C9orf85: variants seen among roughly 807,000 people sequenced by gnomAD.
C9orf85 encodes chromosome 9 open reading frame 85, also known as uncharacterized protein C9orf85.
C9orf85 carries 16 observed loss-of-function variants against 14.9 expected under a neutral mutation model. The observed-to-expected ratio is 1.08, with a 90% CI of 0.73 to 1.63. The LOEUF (loss-of-function observed/expected upper bound fraction) is 1.63. Ranked by LOEUF, C9orf85 falls within the 40% of genes most tolerant of loss-of-function variation. The pLI is 0.00. For synonymous variants in C9orf85, 45 were observed against 56.8 expected (o/e 0.79, Z 0.93); for missense variants, 172 against 186.1 (o/e 0.92, Z 0.44).
intron 1 of C9orf85, among the ~76,000 whole-genome samples, chr9:71,926,634 G>T (rs1252946727): frequency 1.7e-5 from 2 of 115,832 alleles, no homozygotes; most frequent in Admixed American, 8.7e-5. Flanking sequence ...CACTGCTGTT[G>T]AAAAAAAAAA....
chr9:71,955,514 A>T (rs1272240351), intron 2 of C9orf85, among the ~76,000 whole-genome samples: 2 of 152,174 alleles, frequency 1.3e-5, no homozygotes, highest in Non-Finnish European at 2.9e-5. Flanking sequence ...AAACTGAAGT[A>T]CATAAACAGC....
chr9:71,947,253 T>A, intron 2 of C9orf85, 141 bp downstream of exon 2: 1 of 586,498 alleles, frequency 1.7e-6, no homozygotes, highest in Non-Finnish European at 2.9e-6. Flanking sequence ...TAGAATTTCA[T>A]CTTGTGTGCT....
chr9:71,933,751 C>T lies in C9orf85; in HGVS notation c.103-13255C>T, dbSNP rs183334987. 1.0e-3 allele frequency among the ~76,000 whole-genome samples: 154 copies of T among 152,238 alleles called. 1 individual carries two copies. The highest frequency in any genetic ancestry group is 3.4e-3 in the African/African-American group (142 of 41,546). On this transcript the variant is annotated intron_variant, in intron 1 of 3. Coordinates refer to ENST00000334731, the MANE Select transcript of C9orf85 (RefSeq NM_182505.5). ...GACTCCCACTAGATGGATCTGCTGGCGCATAGACCTCAGATAAGAGGGAAC... is the reference window on the plus strand; with the variant it reads ...GACTCCCACTAGATGGATCTGCTGGTGCATAGACCTCAGATAAGAGGGAAC...
At chr9:71,939,818 T>C (rs1828286609) in intron 1 of C9orf85, among the ~76,000 whole-genome samples, 1 of 152,176 alleles carries the variant, frequency 6.6e-6, no homozygotes, top group Non-Finnish European at 1.5e-5. Context: ...ACATACTTAA[T>C]TTTTGAGAAA....
Position 71,918,137 on chromosome 9 carries a change from C to T in C9orf85, c.102+6301C>T, listed in dbSNP as rs1186514978. Among the ~76,000 whole-genome samples the T allele has an allele frequency of 5.3e-5, 8 of 152,100 alleles. 1 individual carries two copies. Among genetic ancestry groups the T allele is most frequent in the Admixed American group, 3.9e-4 (6 of 15,276 alleles). ...GGCAGAGGTTGCAGTGAGCTGAGAT[C>T]GTGCCACTGCACTCCAGCCTGGGCC... On this transcript the variant is annotated intron_variant, in intron 1 of 3. Coordinates refer to ENST00000334731, the MANE Select transcript of C9orf85 (RefSeq NM_182505.5).
At chr9:71,956,520 A>G (rs1368563916) in intron 2 of C9orf85, among the ~76,000 whole-genome samples, 1 of 152,122 alleles carries the variant, frequency 6.6e-6, no homozygotes, top group Admixed American at 6.6e-5. Context: ...GAGTGCTGGA[A>G]TTACAGGTGT....
intron 2 of C9orf85, among the ~76,000 whole-genome samples, chr9:71,959,251 C>A (rs1023840987): frequency 2.6e-5 from 4 of 152,042 alleles, no homozygotes; most frequent in Non-Finnish European, 5.9e-5. Context: ...GATTCTCCTG[C>A]CTCAGCCTCC....
At chr9:71,944,046 G>C (rs1822016684) in intron 1 of C9orf85, among the ~76,000 whole-genome samples, 1 of 151,640 alleles carries the variant, frequency 6.6e-6, no homozygotes, top group Admixed American at 6.6e-5. Flanking sequence ...GACCAGCCTG[G>C]CCAAATGGCG....
intron 1 of C9orf85, chr9:71,918,491 C>T (rs548022852): frequency 3.1e-6 from 4 of 1,286,912 alleles, no homozygotes; most frequent in Non-Finnish European, 3.1e-6. Flanking sequence ...GTCCCCAGCC[C>T]CCGACCCCCG....
intron 2 of C9orf85, among the ~76,000 whole-genome samples, chr9:71,956,946 A>G (rs1364756514): frequency 2.0e-5 from 3 of 152,118 alleles, no homozygotes; most frequent in Non-Finnish European, 4.4e-5. Context: ...TCTTGGTTAA[A>G]ATTGAGTGTT....
intron 2 of C9orf85, among the ~76,000 whole-genome samples, chr9:71,961,657 T>C (rs574977958): frequency 2.6e-4 from 39 of 152,298 alleles, no homozygotes; most frequent in Non-Finnish European, 5.3e-4. Flanking sequence ...CATGATAGTA[T>C]AAAATAACTG....
intron 2 of C9orf85, among the ~76,000 whole-genome samples, chr9:71,969,096 A>G (rs1822785561): frequency 6.6e-6 from 1 of 152,216 alleles, no homozygotes; most frequent in Non-Finnish European, 1.5e-5. Flanking sequence ...TGAAGAGAAC[A>G]AGGAAGTTAA....
At chr9:71,935,926 T>C (rs1828178356) in intron 1 of C9orf85, among the ~76,000 whole-genome samples, 1 of 151,964 alleles carries the variant, frequency 6.6e-6, no homozygotes, top group Non-Finnish European at 1.5e-5. Flanking sequence ...AAAATAACTG[T>C]TGGCTGTTTG....
intron 3 of C9orf85, among the ~76,000 whole-genome samples, chr9:71,982,244 T>A (rs1233548960): frequency 6.6e-6 from 1 of 152,186 alleles, no homozygotes; most frequent in Non-Finnish European, 1.5e-5. Flanking sequence ...TTTTTTTTTT[T>A]TCTGAATAGC....
At position 71,973,000 on chromosome 9, in the gene C9orf85, C is replaced by T. The variant is rs1366173252; in HGVS notation, c.*158C>T. 1.2e-5 allele frequency: 5 copies of T among 410,930 alleles called. No homozygotes were observed. The highest frequency in any genetic ancestry group is 2.1e-5 in the African/African-American group (1 of 47,918). The allele number at this position is 410,930 out of a possible 1,614,324, so 25.5% of individuals were successfully genotyped here. A position where few individuals can be genotyped will look rare whatever the true frequency, so the allele number is the denominator to read the frequency against. On this transcript the variant is annotated 3_prime_UTR_variant, in exon 4 of 4. Coordinates refer to ENST00000334731, the MANE Select transcript of C9orf85 (RefSeq NM_182505.5). ...CTCCACTAAAAGTACAAAAAATTAG[C>T]TGGGCGTGGTGGCTCATGCCTGTAA... is the stretch of plus-strand genomic sequence containing the variant.
At chr9:71,984,975 T>G (rs1048299466), downstream of C9orf85, 7 of 152,252 alleles carry the variant, frequency 4.6e-5, no homozygotes, top group African/African-American at 1.7e-4. Flanking sequence ...TGAAGACAGA[T>G]GCACCCTTTC....
intron 3 of C9orf85, 112 bp downstream of exon 3, chr9:71,971,730 T>C: frequency 1.5e-6 from 1 of 659,458 alleles, no homozygotes; most frequent in Non-Finnish European, 2.5e-6. Flanking sequence ...TCCCAGTACT[T>C]TGGGAGGCCA....
downstream of C9orf85, chr9:71,983,880 C>G (rs1423360310): frequency 6.6e-6 from 1 of 152,004 alleles, no homozygotes; most frequent in Non-Finnish European, 1.5e-5. Context: ...AAGTGAGATG[C>G]CAGTAATAGG....
chr9:71,914,029 T>A (rs1314874652), intron 1 of C9orf85, among the ~76,000 whole-genome samples: 2 of 152,236 alleles, frequency 1.3e-5, no homozygotes, highest in Non-Finnish European at 2.9e-5. Context: ...GGTTGATTGT[T>A]CATCTGTGTA....
Sources: allele counts gnomAD v4.1 joint callset (sites outside exome capture counted in the v4.1 genomes callset), GRCh38; gene constraint gnomAD v4.1.1; transcripts MANE v1.5; gene names NCBI Gene and HGNC (gene_info 2026-07-23, HGNC 2026-07-21).